The following DPP10 variants were observed in gnomAD, a reference collection of about 807,000 sequenced individuals.
DPP10 encodes the protein inactive dipeptidyl peptidase 10.
In DPP10, 33 loss-of-function variants were observed where a neutral mutation model predicts 120.9. The ratio of observed to expected loss-of-function variants is 0.27; its 90% CI spans 0.21 to 0.37. DPP10 has a LOEUF of 0.37. Ranked by LOEUF, DPP10 falls within the 10% of genes least tolerant of loss-of-function variation. The pLI, the probability that DPP10 is intolerant of heterozygous loss-of-function variation, is 1.00. For missense variants in DPP10, 816 were observed against 942.8 expected, an observed-to-expected ratio of 0.87 and a Z score of 1.76; for synonymous variants, 337 against 326.1, an observed-to-expected ratio of 1.03 and a Z score of -0.36.
chr2:114,765,654 TA>T lies in DPP10; in HGVS notation c.60+322819del, dbSNP rs142637709. On this transcript the variant is annotated intron_variant, in intron 1 of 25. Coordinates refer to ENST00000410059, the MANE Select transcript of DPP10 (RefSeq NM_020868.6). ...AGAGAAAAGAAATTTTCCAACGGCCTAAACACACAATAATTAGCTAAAACTT... is the reference window on the plus strand; with the variant it reads ...AGAGAAAAGAAATTTTCCAACGGCCTAACACACAATAATTAGCTAAAACTT... 8.2e-3 allele frequency among the ~76,000 whole-genome samples: 1,245 copies of T among 152,322 alleles called. 9 individuals carry two copies. The highest frequency in any genetic ancestry group is 0.014 in the Middle Eastern group (4 of 294).
At chr2:115,350,561 A>T (rs967372899) in intron 3 of DPP10, among the ~76,000 whole-genome samples, 3 of 152,104 alleles carry the variant, frequency 2.0e-5, no homozygotes, top group African/African-American at 7.2e-5. Flanking sequence ...TAATTTTGTT[A>T]TTCTGCCTGT....
At chr2:115,351,340 G>A (rs2064020099) in intron 3 of DPP10, among the ~76,000 whole-genome samples, 1 of 151,974 alleles carries the variant, frequency 6.6e-6, no homozygotes, top group Non-Finnish European at 1.5e-5. Context: ...CAGACGTAAC[G>A]ATAGGAACAA....
chr2:114,458,064 A>G (rs1221003008), intron 1 of DPP10, among the ~76,000 whole-genome samples: 7 of 152,194 alleles, frequency 4.6e-5, no homozygotes, highest in Admixed American at 3.9e-4. Flanking sequence ...CAAGGTAGAA[A>G]GATACAGAGA....
chr2:115,490,887 G>T (rs2076076761), intron 3 of DPP10, among the ~76,000 whole-genome samples: 1 of 152,194 alleles, frequency 6.6e-6, no homozygotes, highest in Non-Finnish European at 1.5e-5. Context: ...GGGAGGCCAA[G>T]ATTGTGGATC....
chr2:114,698,085 T>C (rs996711807), intron 1 of DPP10, among the ~76,000 whole-genome samples: 2 of 152,126 alleles, frequency 1.3e-5, no homozygotes, highest in African/African-American at 4.8e-5. Context: ...CATGTTTTAG[T>C]GTACAGATAG....
chr2:114,624,259 A>G (rs1694317349), intron 1 of DPP10, among the ~76,000 whole-genome samples: 1 of 151,916 alleles, frequency 6.6e-6, no homozygotes, highest in Admixed American at 6.6e-5. Context: ...GGAGAGACTG[A>G]TGGGTCAAAA....
At chr2:114,712,511 A>G (rs760624652) in intron 1 of DPP10, among the ~76,000 whole-genome samples, 218 of 152,230 alleles carry the variant, frequency 1.4e-3, no homozygotes, top group Non-Finnish European at 2.4e-3. Context: ...CCTGACTCCA[A>G]AGTGTGTGGT....
chr2:114,532,888 G>A (rs1454959107), intron 1 of DPP10, among the ~76,000 whole-genome samples: 1 of 152,112 alleles, frequency 6.6e-6, no homozygotes, highest in Non-Finnish European at 1.5e-5. Context: ...ATCCAGCAGG[G>A]ATATGATCAG....
chr2:114,693,219 T>C (rs1316144900), intron 1 of DPP10, among the ~76,000 whole-genome samples: 1 of 152,026 alleles, frequency 6.6e-6, no homozygotes, highest in Middle Eastern at 3.4e-3. Context: ...CTGGTAACAA[T>C]TTTTTCTTTC....
At chr2:114,677,079 C>A (rs1443484025) in intron 1 of DPP10, among the ~76,000 whole-genome samples, 1 of 152,112 alleles carries the variant, frequency 6.6e-6, no homozygotes. Context: ...ATCTTAGCTA[C>A]TAAGCAATGT....
At chr2:115,438,862 AGTG>A (rs1372725988) in intron 3 of DPP10, among the ~76,000 whole-genome samples, 4 of 100,330 alleles carry the variant, frequency 4.0e-5, no homozygotes, top group Admixed American at 1.2e-4. Context: ...AGTGTGGAAT[AGTG>A]GCTATGATGG....
At chr2:115,689,512 G>T (rs1215290094) in intron 5 of DPP10, among the ~76,000 whole-genome samples, 175 bp from the exon 6 acceptor site, 1 of 152,002 alleles carries the variant, frequency 6.6e-6, no homozygotes, top group Non-Finnish European at 1.5e-5. Flanking sequence ...ATATTAGAAA[G>T]AAAAATTAGG....
intron 1 of DPP10, among the ~76,000 whole-genome samples, chr2:114,656,747 A>C (rs915048921): frequency 1.3e-5 from 2 of 152,130 alleles, no homozygotes; most frequent in Admixed American, 1.3e-4. Context: ...TGAAGAATGA[A>C]CAAATTAGAA....
chr2:115,202,054 G>A (rs1408737965), intron 1 of DPP10, among the ~76,000 whole-genome samples: 1 of 152,044 alleles, frequency 6.6e-6, no homozygotes, highest in African/African-American at 2.4e-5. Flanking sequence ...ATTTATCAAG[G>A]TGGTTTTACA....
At chr2:114,951,538 A>G (rs1469374600) in intron 1 of DPP10, among the ~76,000 whole-genome samples, 1 of 152,212 alleles carries the variant, frequency 6.6e-6, no homozygotes, top group African/African-American at 2.4e-5. Context: ...GTTATTAGAT[A>G]TAAATCTAAA....
intron 1 of DPP10, among the ~76,000 whole-genome samples, chr2:114,988,321 TGGTATCA>T (rs1321540057): frequency 6.6e-6 from 1 of 152,226 alleles, no homozygotes; most frequent in Admixed American, 6.5e-5. Context: ...CACACCTATG[TGGTATCA>T]AATGATCATT....
At chr2:115,367,708 A>G (rs1218699535) in intron 3 of DPP10, among the ~76,000 whole-genome samples, 2 of 152,092 alleles carry the variant, frequency 1.3e-5, no homozygotes, top group African/African-American at 2.4e-5. Context: ...TTATTAATGA[A>G]TAACAAGCAC....
intron 1 of DPP10, among the ~76,000 whole-genome samples, chr2:115,059,012 C>T (rs975707349): frequency 6.6e-6 from 1 of 152,160 alleles, no homozygotes; most frequent in South Asian, 2.1e-4. Flanking sequence ...CCCTGAATAG[C>T]ACGTTTCAAC....
At chr2:115,250,447 A>G (rs2058707348) in intron 1 of DPP10, among the ~76,000 whole-genome samples, 1 of 152,124 alleles carries the variant, frequency 6.6e-6, no homozygotes, top group African/African-American at 2.4e-5. Context: ...GTGTGAATGG[A>G]AGGGTCTGGA....
Sources: gnomAD v4.1 joint callset for allele counts (sites outside exome capture counted in the v4.1 genomes callset) on GRCh38, gnomAD v4.1.1 for gene constraint, MANE v1.5 for transcripts, NCBI Gene and HGNC (gene_info 2026-07-23, HGNC 2026-07-21) for gene names.